PTGFR: variants seen among roughly 807,000 people sequenced by gnomAD.
PTGFR encodes prostaglandin F receptor.
PTGFR carries 15 observed loss-of-function variants against 26.2 expected under a neutral mutation model. That is an observed-to-expected ratio of 0.57 (90% CI 0.38 to 0.88). PTGFR has a LOEUF of 0.88. Among genes scored for constraint, PTGFR ranks in the 40% least tolerant of loss-of-function variants. PTGFR has a pLI of 0.00. For synonymous variants in PTGFR, 165 were observed against 151.1 expected (o/e 1.09, Z -0.68); for missense variants, 369 against 427.2 (o/e 0.86, Z 1.20).
Position 78,536,535 on chromosome 1 carries a change from G to T in PTGFR, c.928G>T (p.Ala310Ser), listed in dbSNP as rs777152890. Residue 310 changes from alanine to serine, a missense_variant, in exon 3 of 3, where the codon GCT (alanine) becomes TCT (serine). Physicochemically the swap from Ala to Ser is moderately conservative, Grantham distance 99. Coordinates refer to ENST00000370757, the MANE Select transcript of PTGFR (RefSeq NM_000959.4). ...DPWVYILLRK[A>S]VLKNLYKLAS... ...TTGGGTATATATTCTTCTACGAAAG[G>T]CTGTCCTTAAGAATCTCTATAAGCT... The T allele has an allele frequency of 6.2e-7, 1 of 1,613,306 alleles. No homozygotes were observed. The highest frequency in any genetic ancestry group is 8.5e-7 in the Non-Finnish European group (1 of 1,179,484).
chr1:78,494,737 CT>C lies in PTGFR; in HGVS notation c.798+1197del, dbSNP rs772668593. On this transcript the variant is annotated intron_variant, in intron 2 of 2. Coordinates refer to ENST00000370757, the MANE Select transcript of PTGFR (RefSeq NM_000959.4). Reference sequence around the variant, plus strand: ...TCTCTTGCCTCAGCCTCCTGAGTAGCTGGGATTACAGGCGTGTGGCACCAAA... The same window carrying C: ...TCTCTTGCCTCAGCCTCCTGAGTAGCGGGATTACAGGCGTGTGGCACCAAA... Among the ~76,000 whole-genome samples, 13 of 152,282 alleles carry C rather than the reference CT, an allele frequency of 8.5e-5. No homozygotes were observed. The East Asian group carries it at 1.9e-3, about 23-fold the overall frequency.
chr1:78,513,571 T>A (rs1178106606), intron 2 of PTGFR, among the ~76,000 whole-genome samples: 1 of 152,150 alleles, frequency 6.6e-6, no homozygotes, highest in Admixed American at 6.6e-5. Flanking sequence ...GAACTTATAT[T>A]TAAATGGGAA....
chr1:78,519,542 C>T (rs1013315760), intron 2 of PTGFR, among the ~76,000 whole-genome samples: 21 of 151,968 alleles, frequency 1.4e-4, no homozygotes, highest in African/African-American at 4.6e-4. Flanking sequence ...TCAGTAGTAA[C>T]GTATGAAAAC....
At chr1:78,526,140 A>G (rs759336548) in intron 2 of PTGFR, among the ~76,000 whole-genome samples, 5 of 152,112 alleles carry the variant, frequency 3.3e-5, no homozygotes, top group Non-Finnish European at 7.4e-5. Flanking sequence ...TGCAAGAATT[A>G]TACACAATTT....
chr1:78,515,989 T>C (rs1054298482), intron 2 of PTGFR, among the ~76,000 whole-genome samples: 1 of 152,226 alleles, frequency 6.6e-6, no homozygotes, highest in Admixed American at 6.5e-5. Context: ...ATTTTTAAAA[T>C]GTTATTTCTT....
chr1:78,540,080 G>T lies in PTGFR; in HGVS notation c.*3393G>T, dbSNP rs916466152. On this transcript the variant is annotated 3_prime_UTR_variant, in exon 3 of 3. Coordinates refer to ENST00000370757, the MANE Select transcript of PTGFR (RefSeq NM_000959.4). ...TCACAAAAGTTTGTATCTCCCACAT[G>T]GTTCCTGTCCACTCTGAAGGGGAGC... is the stretch of plus-strand genomic sequence containing the variant. 6.6e-5 allele frequency among the ~76,000 whole-genome samples: 10 copies of T among 151,966 alleles called. No homozygotes were observed. The highest frequency in any genetic ancestry group is 1.9e-4 in the African/African-American group (8 of 41,392).
intron 2 of PTGFR, among the ~76,000 whole-genome samples, chr1:78,497,552 G>A (rs540394984): frequency 6.6e-6 from 1 of 152,184 alleles, no homozygotes; most frequent in Non-Finnish European, 1.5e-5. Context: ...TATGGGTAAC[G>A]ATTCTTTTTA....
chr1:78,533,710 G>A (rs1379950190), intron 2 of PTGFR, among the ~76,000 whole-genome samples: 1 of 152,168 alleles, frequency 6.6e-6, no homozygotes, highest in African/African-American at 2.4e-5. Flanking sequence ...CAGCCACAGA[G>A]CCCTGACTCT....
At chr1:78,518,311 G>A (rs1005426169) in intron 2 of PTGFR, among the ~76,000 whole-genome samples, 5 of 152,036 alleles carry the variant, frequency 3.3e-5, no homozygotes, top group African/African-American at 1.2e-4. Context: ...TCATTTGGCT[G>A]AGAATATAAA....
In PTGFR at chr1:78,536,582, G is replaced by A. The variant is rs1207077062; in HGVS notation, c.975G>A (p.Val325=). The A allele has an allele frequency of 6.2e-7, 1 of 1,613,256 alleles. No homozygotes were observed. The highest frequency in any genetic ancestry group is 8.5e-7 in the Non-Finnish European group (1 of 1,179,438). Residue 325 remains valine, a synonymous_variant, in exon 3 of 3, where the codon GTG becomes GTA. Transcript: ENST00000370757. ...LYKLASQCCG[V]HVISLHIWEL... ...AGCTTGCCAGTCAATGCTGTGGAGT[G>A]CATGTCATCAGCTTACATATTTGGG...
chr1:78,499,195 G>C (rs546478751), intron 2 of PTGFR, among the ~76,000 whole-genome samples: 2 of 152,214 alleles, frequency 1.3e-5, no homozygotes, highest in Admixed American at 1.3e-4. Context: ...TGACATTCAC[G>C]TGACTCTCTC....
intron 2 of PTGFR, among the ~76,000 whole-genome samples, chr1:78,502,481 G>A (rs1233577196): frequency 6.6e-6 from 1 of 152,062 alleles, no homozygotes; most frequent in Non-Finnish European, 1.5e-5. Flanking sequence ...ACTTCATAGG[G>A]TGGTTGTGAG....
At chr1:78,530,938 C>T (rs1340049273) in intron 2 of PTGFR, among the ~76,000 whole-genome samples, 2 of 152,106 alleles carry the variant, frequency 1.3e-5, no homozygotes, top group Non-Finnish European at 2.9e-5. Flanking sequence ...ATAGCAACCA[C>T]CTCTGGGGGT....
At chr1:78,501,331 A>C (rs1439789928) in intron 2 of PTGFR, among the ~76,000 whole-genome samples, 18 of 152,338 alleles carry the variant, frequency 1.2e-4, no homozygotes, top group Non-Finnish European at 1.5e-5. Flanking sequence ...GAAGTCATGT[A>C]TAGCCACCCC....
chr1:78,529,754 C>T lies in PTGFR; in HGVS notation c.799-6652C>T, dbSNP rs534698868. 3.3e-5 allele frequency among the ~76,000 whole-genome samples: 5 copies of T among 152,244 alleles called. No homozygotes were observed. In the South Asian group the frequency reaches 1.0e-3, roughly 32 times the overall value. On this transcript the variant is annotated intron_variant, in intron 2 of 2. Transcript: ENST00000370757. ...AGTCTAAAGCAGGGGTCCCCAACCC[C>T]CAGGCCCAGGCCTTTTAGGAACTGG... is the stretch of plus-strand genomic sequence containing the variant.
chr1:78,536,643 G>A lies in PTGFR; in HGVS notation c.1036G>A (p.Ala346Thr), dbSNP rs1381129319. 1.9e-6 allele frequency: 3 copies of A among 1,612,834 alleles called. No individual in the cohort carries two copies. Among genetic ancestry groups the A allele is most frequent in the Admixed American group, 1.7e-5 (1 of 59,846 alleles). Residue 346 changes from alanine (A) to threonine (T), a missense_variant, in exon 3 of 3, where the codon GCT becomes ACT. Physicochemically the swap from Ala to Thr is moderately conservative, Grantham distance 58. Coordinates refer to ENST00000370757, the MANE Select transcript of PTGFR (RefSeq NM_000959.4). Reference protein sequence around the residue: ...SSIKNSLKVAAISESPVAEKS... With the variant: ...SSIKNSLKVATISESPVAEKS... Reference sequence around the variant, plus strand: ...CATTAAAAATTCCTTAAAGGTTGCTGCTATTTCTGAGTCACCAGTTGCAGA... The same window carrying A: ...CATTAAAAATTCCTTAAAGGTTGCTACTATTTCTGAGTCACCAGTTGCAGA...
intron 2 of PTGFR, among the ~76,000 whole-genome samples, chr1:78,501,657 T>C (rs1649709391): frequency 6.6e-6 from 1 of 152,158 alleles, no homozygotes; most frequent in African/African-American, 2.4e-5. Flanking sequence ...ACAATTGGAT[T>C]ATGTAAAATG....
At chr1:78,530,116 A>C (rs1473304276) in intron 2 of PTGFR, among the ~76,000 whole-genome samples, 2 of 151,952 alleles carry the variant, frequency 1.3e-5, no homozygotes, top group African/African-American at 4.8e-5. Context: ...ACAGATAAGA[A>C]GAAGGAAGAT....
In PTGFR at chr1:78,527,303, A is replaced by C. The variant is rs188444674; in HGVS notation, c.799-9103A>C. 2.0e-5 allele frequency among the ~76,000 whole-genome samples: 3 copies of C among 152,200 alleles called. No individual in the cohort carries two copies. In the East Asian group the frequency reaches 5.8e-4, roughly 29 times the overall value. ...AAGTTTAAATGGCATAAAGACAGCAAGTTTTCATATAGTAGTAAAATTGTA... is the reference window on the plus strand; with the variant it reads ...AAGTTTAAATGGCATAAAGACAGCACGTTTTCATATAGTAGTAAAATTGTA... On this transcript the variant is annotated intron_variant, in intron 2 of 2. Coordinates refer to ENST00000370757, the MANE Select transcript of PTGFR (RefSeq NM_000959.4).
Sources: allele counts gnomAD v4.1 joint callset (sites outside exome capture counted in the v4.1 genomes callset), GRCh38; gene constraint gnomAD v4.1.1; transcripts MANE v1.5; gene names NCBI Gene and HGNC (gene_info 2026-07-23, HGNC 2026-07-21).